Variants in B3GALT1 observed in about 807,000 individuals in gnomAD.
B3GALT1 encodes the protein beta-1,3-galactosyltransferase 1.
Under a neutral mutation model 23.2 loss-of-function variants are expected in B3GALT1, and 10 were observed. That is an observed-to-expected ratio of 0.43 (90% confidence interval 0.27 to 0.73). The LOEUF (loss-of-function observed/expected upper bound fraction) is 0.73, where lower values mean the gene tolerates loss of function less well. B3GALT1 is among the 30% of genes least tolerant of loss of function. The pLI is 0.21. For missense variants in B3GALT1, 299 were observed against 405.4 expected, an observed-to-expected ratio of 0.74 and a Z score of 2.25; for synonymous variants, 156 against 141.5, an observed-to-expected ratio of 1.10 and a Z score of -0.73.
chr2:167,697,307 A>G (rs945963637), intron 3 of B3GALT1, among the ~76,000 whole-genome samples: 6 of 152,212 alleles, frequency 3.9e-5, no homozygotes, highest in African/African-American at 9.6e-5. Flanking sequence ...AAGCCATGCC[A>G]TGAATGCCCA....
intron 1 of B3GALT1, among the ~76,000 whole-genome samples, chr2:167,372,701 A>G (rs752401524): frequency 9.2e-5 from 14 of 152,144 alleles, no homozygotes; most frequent in Non-Finnish European, 1.8e-4. Flanking sequence ...CAAAGTTACA[A>G]AATGAAATTT....
intron 2 of B3GALT1, among the ~76,000 whole-genome samples, chr2:167,539,069 CTA>C (rs552202394): frequency 2.1e-3 from 326 of 152,140 alleles, no homozygotes; most frequent in Middle Eastern, 0.01. Context: ...AATAAATACA[CTA>C]TTTGTTAATT....
intron 3 of B3GALT1, among the ~76,000 whole-genome samples, chr2:167,776,040 GCACACACACACA>G (rs71003011): frequency 7.7e-4 from 110 of 142,358 alleles, no homozygotes; most frequent in African/African-American, 2.5e-3. Flanking sequence ...ATGCAACTGT[GCACACACACACA>G]CACACACACA....
rs1193719148 is a variant in B3GALT1 at position 167,491,814 on chromosome 2, C to CA, written c.-410+1550dup. On this transcript the variant is annotated intron_variant, in intron 2 of 4. Coordinates refer to ENST00000392690, the MANE Select transcript of B3GALT1 (RefSeq NM_020981.4). ...TGGGTGACAGAGCAAGACTCCATCT[C>CA]AAAAAAAAAAAAAGTGATTTTATGT... is the stretch of plus-strand genomic sequence containing the variant. Among the ~76,000 whole-genome samples the CA allele has an allele frequency of 7.8e-3, 1,041 of 132,982 alleles. 11 individuals carry two copies. Among genetic ancestry groups the CA allele is most frequent in the African/African-American group, 0.022 (816 of 36,290 alleles). 87.2% of individuals were successfully genotyped at this position (132,982 alleles called of 152,430 possible).
At chr2:167,411,137 A>C (rs1330686843) in intron 1 of B3GALT1, among the ~76,000 whole-genome samples, 1 of 152,018 alleles carries the variant, frequency 6.6e-6, no homozygotes, top group East Asian at 1.9e-4. Context: ...CTAAACAAAG[A>C]TTTTATGGAG....
At chr2:167,601,772 G>A (rs1267010885) in intron 2 of B3GALT1, among the ~76,000 whole-genome samples, 1 of 152,164 alleles carries the variant, frequency 6.6e-6, no homozygotes, top group Non-Finnish European at 1.5e-5. Flanking sequence ...TGCTTGACTA[G>A]TGACACCAAA....
intron 2 of B3GALT1, among the ~76,000 whole-genome samples, chr2:167,564,456 G>A (rs951080357): frequency 1.8e-4 from 27 of 152,100 alleles, no homozygotes; most frequent in South Asian, 4.1e-4. Context: ...CCTCCCAGAC[G>A]GGGTGGCGGC....
intron 3 of B3GALT1, among the ~76,000 whole-genome samples, chr2:167,747,571 G>T (rs771954335): frequency 3.3e-5 from 5 of 152,202 alleles, no homozygotes; most frequent in African/African-American, 1.2e-4. Flanking sequence ...GGTTAAAGAG[G>T]CTCAAGAGAA....
intron 4 of B3GALT1, among the ~76,000 whole-genome samples, chr2:167,840,471 A>G (rs1321877779): frequency 1.1e-4 from 17 of 151,690 alleles, no homozygotes; most frequent in African/African-American, 3.1e-4. Flanking sequence ...CAAAACCACA[A>G]TGAGATATCA....
intron 1 of B3GALT1, among the ~76,000 whole-genome samples, chr2:167,448,466 T>A (rs1224260305): frequency 6.6e-6 from 1 of 152,174 alleles, no homozygotes; most frequent in Non-Finnish European, 1.5e-5. Context: ...GATTGTTGGT[T>A]TTTTTGTTGC....
At chr2:167,860,864 TTTC>T (rs1003440233) in intron 4 of B3GALT1, among the ~76,000 whole-genome samples, 3 of 146,698 alleles carry the variant, frequency 2.0e-5, no homozygotes, top group African/African-American at 5.0e-5. Flanking sequence ...TCAACTGGCT[TTTC>T]TTTTTTTTTT....
At chr2:167,630,397 T>C (rs1008748740) in intron 2 of B3GALT1, among the ~76,000 whole-genome samples, 4 of 151,794 alleles carry the variant, frequency 2.6e-5, no homozygotes, top group Non-Finnish European at 5.9e-5. Context: ...CAAGATGTCA[T>C]CATTAATTAA....
intron 2 of B3GALT1, among the ~76,000 whole-genome samples, chr2:167,578,847 T>C (rs889932381): frequency 1.3e-5 from 2 of 152,058 alleles, no homozygotes; most frequent in African/African-American, 4.8e-5. Context: ...CCAAGAGTTA[T>C]GGGGATATTT....
intron 3 of B3GALT1, among the ~76,000 whole-genome samples, chr2:167,792,885 A>C (rs1342547864): frequency 6.8e-6 from 1 of 146,528 alleles, no homozygotes; most frequent in Admixed American, 6.8e-5. Context: ...TTAACTAAGG[A>C]GGTCAAATGG....
chr2:167,649,777 T>C (rs1685826585), intron 3 of B3GALT1, among the ~76,000 whole-genome samples: 1 of 152,108 alleles, frequency 6.6e-6, no homozygotes, highest in African/African-American at 2.4e-5. Flanking sequence ...CCTACAAGTT[T>C]ACCAAATTTG....
chr2:167,698,366 T>A (rs1686818616), intron 3 of B3GALT1, among the ~76,000 whole-genome samples: 1 of 152,162 alleles, frequency 6.6e-6, no homozygotes, highest in Non-Finnish European at 1.5e-5. Flanking sequence ...TTTAAGATCA[T>A]CTCCTTCCTA....
At chr2:167,532,789 G>A (rs1376872362) in intron 2 of B3GALT1, among the ~76,000 whole-genome samples, 1 of 149,088 alleles carries the variant, frequency 6.7e-6, no homozygotes, top group African/African-American at 2.5e-5. Flanking sequence ...CTGTTTTATA[G>A]CTTTCTTAGA....
chr2:167,647,262 A>G (rs1364818948), intron 3 of B3GALT1, among the ~76,000 whole-genome samples: 3 of 152,072 alleles, frequency 2.0e-5, no homozygotes, highest in East Asian at 1.9e-4. Flanking sequence ...CAACTCGACT[A>G]TTTACTTTTG....
At chr2:167,838,567 G>C (rs1469089995) in intron 4 of B3GALT1, among the ~76,000 whole-genome samples, 4 of 152,272 alleles carry the variant, frequency 2.6e-5, no homozygotes, top group Non-Finnish European at 4.4e-5. Context: ...TCCAGGACCA[G>C]AAGGATTCAC....
Sources: allele counts gnomAD v4.1 joint callset (sites outside exome capture counted in the v4.1 genomes callset), GRCh38; gene constraint gnomAD v4.1.1; transcripts MANE v1.5; gene names NCBI Gene and HGNC (gene_info 2026-07-23, HGNC 2026-07-21).